TMEM232: variants seen among roughly 807,000 people sequenced by gnomAD.
TMEM232 encodes the protein transmembrane protein 232.
TMEM232 carries 80 observed loss-of-function variants against 78.8 expected under a neutral mutation model. That is an observed-to-expected ratio of 1.01 (90% CI 0.85 to 1.22). The LOEUF is 1.22. Among genes scored for constraint, TMEM232 ranks in the 50% most tolerant of loss-of-function variants. The probability of loss-of-function intolerance (pLI) is 0.00; values close to 1 mark genes in which losing one functional copy is unlikely to be tolerated. For synonymous variants in TMEM232, 297 were observed against 254.3 expected (o/e 1.17, Z -1.60); for missense variants, 881 against 742.2 (o/e 1.19, Z -2.17).
At chr5:110,641,208 A>ATAT (rs1267224182) in intron 3 of TMEM232, among the ~76,000 whole-genome samples, 8 of 152,178 alleles carry the variant, frequency 5.3e-5, no homozygotes, top group Admixed American at 2.6e-4. Context: ...AAAAAAGTTG[A>ATAT]TATTACAAGT....
At chr5:110,556,029 G>T (rs73222654) in intron 11 of TMEM232, among the ~76,000 whole-genome samples, 2,808 of 152,194 alleles carry the variant, frequency 0.018, 105 homozygotes, top group African/African-American at 0.065. Flanking sequence ...GTCATTGTGT[G>T]TTAGCCAGTT....
At chr5:110,635,289 T>C (rs969654253) in intron 5 of TMEM232, among the ~76,000 whole-genome samples, 5 of 151,948 alleles carry the variant, frequency 3.3e-5, no homozygotes, top group Non-Finnish European at 7.4e-5. Context: ...CTCCTCAAAC[T>C]ATTCCCAAAA....
At position 110,638,264 on chromosome 5, in the gene TMEM232, T is replaced by C. The variant is rs113469327; in HGVS notation, c.435A>G (p.Leu145=). 1,067 of 1,551,050 alleles carry C rather than the reference T, an allele frequency of 6.9e-4. 8 individuals are homozygous for C. In the African/African-American group the frequency reaches 0.013, roughly 19 times the overall value. The change falls in exon 5 of 14, where the codon TTA becomes TTG. Residue 145 remains leucine, a synonymous_variant. Transcript: ENST00000455884. ...PALFFVAESV[L]YRLCCDASLK... Reference sequence around the variant, plus strand: ...GGGATGCATCACAACACAGTCTGTATAAAACCGATTCCGCAACAAAAAATA... The same window carrying C: ...GGGATGCATCACAACACAGTCTGTACAAAACCGATTCCGCAACAAAAAATA...
At chr5:110,496,847 A>AGCTAATT (rs1434553731) in intron 12 of TMEM232, among the ~76,000 whole-genome samples, 2 of 152,074 alleles carry the variant, frequency 1.3e-5, no homozygotes. Flanking sequence ...ATTCTATGTC[A>AGCTAATT]CTCAGCTACA....
intron 2 of TMEM232, among the ~76,000 whole-genome samples, chr5:110,659,400 G>C (rs896862865): frequency 3.9e-5 from 6 of 152,128 alleles, no homozygotes; most frequent in Middle Eastern, 3.4e-3. Flanking sequence ...ATAGATTGTT[G>C]GCCAAGAAAA....
chr5:110,640,141 C>T (rs1046225867), intron 4 of TMEM232, among the ~76,000 whole-genome samples: 16 of 152,224 alleles, frequency 1.1e-4, no homozygotes, highest in African/African-American at 3.6e-4. Context: ...GAGTGTTTAC[C>T]TCAATATCAT....
chr5:110,493,066 A>G (rs1184845617), intron 12 of TMEM232, among the ~76,000 whole-genome samples: 2 of 151,956 alleles, frequency 1.3e-5, no homozygotes, highest in Non-Finnish European at 2.9e-5. Flanking sequence ...ATTTTTTATA[A>G]TGACAATTTG....
intron 11 of TMEM232, among the ~76,000 whole-genome samples, chr5:110,551,637 C>T (rs1317897493): frequency 6.6e-6 from 1 of 152,144 alleles, no homozygotes; most frequent in Non-Finnish European, 1.5e-5. Context: ...AAAATATCAA[C>T]CCACAGTATT....
intron 12 of TMEM232, among the ~76,000 whole-genome samples, chr5:110,494,014 G>T (rs1006374228): frequency 6.6e-6 from 1 of 151,944 alleles, no homozygotes; most frequent in Non-Finnish European, 1.5e-5. Flanking sequence ...CAGAACATGC[G>T]GTGTTGGTTT....
intron 6 of TMEM232, among the ~76,000 whole-genome samples, chr5:110,627,413 C>T (rs528985288): frequency 1.1e-3 from 163 of 151,922 alleles, no homozygotes; most frequent in African/African-American, 3.7e-3. Flanking sequence ...GTCGTGAGAA[C>T]GGATGGGGAA....
chr5:110,558,244 G>A (rs1775333358), intron 11 of TMEM232, among the ~76,000 whole-genome samples: 1 of 152,078 alleles, frequency 6.6e-6, no homozygotes, highest in South Asian at 2.1e-4. Flanking sequence ...GCTTCATTGG[G>A]GTGGTAGCAG....
chr5:110,621,760 C>CTTTTATA (rs949319582), intron 7 of TMEM232, among the ~76,000 whole-genome samples: 1 of 151,238 alleles, frequency 6.6e-6, no homozygotes, highest in African/African-American at 2.4e-5. Flanking sequence ...TCTTTTTTGG[C>CTTTTATA]TTTTATAACC....
chr5:110,431,526 C>T (rs1006464995), intron 12 of TMEM232, among the ~76,000 whole-genome samples: 7 of 151,446 alleles, frequency 4.6e-5, no homozygotes, highest in African/African-American at 1.7e-4. Flanking sequence ...ATTTTTAATA[C>T]AAAAAATCCA....
At chr5:110,603,297 A>C (rs1781180889) in intron 10 of TMEM232, among the ~76,000 whole-genome samples, 1 of 152,206 alleles carries the variant, frequency 6.6e-6, no homozygotes, top group African/African-American at 2.4e-5. Context: ...TTAAAGTATA[A>C]TAATACATAA....
intron 2 of TMEM232, among the ~76,000 whole-genome samples, chr5:110,409,292 A>G (rs1308698205): frequency 1.3e-5 from 2 of 152,320 alleles, no homozygotes; most frequent in South Asian, 2.1e-4. Flanking sequence ...GACATTTTAA[A>G]TAGCAATTCA....
intron 12 of TMEM232, among the ~76,000 whole-genome samples, chr5:110,505,951 C>G (rs1326271164): frequency 6.6e-6 from 1 of 152,168 alleles, no homozygotes; most frequent in African/African-American, 2.4e-5. Flanking sequence ...AGTGAAGGAA[C>G]CTGGTCAGTT....
intron 2 of TMEM232, among the ~76,000 whole-genome samples, chr5:110,406,652 C>T (rs981000603): frequency 6.6e-6 from 1 of 151,938 alleles, no homozygotes; most frequent in African/African-American, 2.4e-5. Flanking sequence ...GGTATGAACC[C>T]ACTGGTAAAA....
intron 4 of TMEM232, among the ~76,000 whole-genome samples, chr5:110,389,268 C>CAAACAAACAAACA (rs6149176): frequency 0.042 from 6,299 of 151,324 alleles, 217 homozygotes; most frequent in African/African-American, 0.091. Flanking sequence ...CTCAAACAAA[C>CAAACAAACAAACA]AAACAAAACA....
intron 11 of TMEM232, among the ~76,000 whole-genome samples, chr5:110,533,174 C>A (rs955457074): frequency 1.6e-4 from 24 of 152,294 alleles, no homozygotes; most frequent in African/African-American, 5.3e-4. Flanking sequence ...ATCCATCAGT[C>A]CCAGCAGATT....
Sources: gnomAD v4.1 joint callset for allele counts (sites outside exome capture counted in the v4.1 genomes callset) on GRCh38, gnomAD v4.1.1 for gene constraint, MANE v1.5 for transcripts, NCBI Gene and HGNC (gene_info 2026-07-23, HGNC 2026-07-21) for gene names.